The following PAQR5 variants were observed in gnomAD, a reference collection of about 807,000 sequenced individuals.
The protein encoded by PAQR5 is membrane progestin receptor gamma.
Under a neutral mutation model 34.5 loss-of-function variants are expected in PAQR5, and 20 were observed. That is an observed-to-expected ratio of 0.58 (90% CI 0.41 to 0.84). The LOEUF is 0.84. Among genes scored for constraint, PAQR5 ranks in the 40% least tolerant of loss-of-function variants. The probability of loss-of-function intolerance (pLI) is 0.00; values close to 1 mark genes in which losing one functional copy is unlikely to be tolerated. For missense variants in PAQR5, 378 were observed against 412.7 expected (o/e 0.92, Z 0.73); for synonymous variants, 131 against 155.6 (o/e 0.84, Z 1.18).
At chr15:69,323,521 G>T (rs1054198368) in intron 1 of PAQR5, among the ~76,000 whole-genome samples, 2 of 152,210 alleles carry the variant, frequency 1.3e-5, no homozygotes, top group African/African-American at 4.8e-5. Flanking sequence ...ACCTTCTCAG[G>T]TGAATGTACA....
chr15:69,335,557 T>G (rs1198268500), intron 1 of PAQR5, among the ~76,000 whole-genome samples: 6 of 136,920 alleles, frequency 4.4e-5, no homozygotes, highest in South Asian at 2.5e-4. Flanking sequence ...TTTTTTTTTT[T>G]TTTTTTTTTT....
At chr15:69,384,410 C>T (rs75612422) in intron 4 of PAQR5, among the ~76,000 whole-genome samples, 10 of 70,700 alleles carry the variant, frequency 1.4e-4, no homozygotes, top group East Asian at 8.8e-4. Context: ...GGAGGGTGAG[C>T]GGGCCCTCCG....
chr15:69,350,799 G>T (rs1027433446), intron 2 of PAQR5, among the ~76,000 whole-genome samples: 1 of 152,146 alleles, frequency 6.6e-6, no homozygotes, highest in Admixed American at 6.5e-5. Flanking sequence ...GGGAGGCTGG[G>T]TTCCCTCAGG....
intron 2 of PAQR5, among the ~76,000 whole-genome samples, chr15:69,359,211 A>G (rs539815377): frequency 1.3e-5 from 2 of 152,270 alleles, no homozygotes; most frequent in African/African-American, 4.8e-5. Context: ...GTCACCTCCC[A>G]AAAGCCCTGC....
chr15:69,307,818 G>A (rs1005270660), intron 1 of PAQR5, among the ~76,000 whole-genome samples: 1 of 152,210 alleles, frequency 6.6e-6, no homozygotes, highest in African/African-American at 2.4e-5. Context: ...GGTAGAGGGA[G>A]CAAGTCTGAA....
At chr15:69,367,269 C>G (rs1479426125) in intron 3 of PAQR5, among the ~76,000 whole-genome samples, 2 of 151,378 alleles carry the variant, frequency 1.3e-5, no homozygotes, top group Non-Finnish European at 2.9e-5. Flanking sequence ...TTACATTTCT[C>G]TTTTTTTTTC....
Position 69,395,425 on chromosome 15 carries a change from T to C in PAQR5, c.513-2043T>C, listed in dbSNP as rs372969988. 3.9e-5 allele frequency among the ~76,000 whole-genome samples: 6 copies of C among 152,196 alleles called. No individual in the cohort carries two copies. The East Asian group carries it at 5.8e-4, about 15-fold the overall frequency. On this transcript the variant is annotated intron_variant, in intron 6 of 8. Transcript: ENST00000395407. ...CCCAGAACCTATTTGTTCCCTCCTG[T>C]TCCTATTATCTGGACCAACATAGAT... is the stretch of plus-strand genomic sequence containing the variant.
intron 1 of PAQR5, 66 bp downstream of exon 1, chr15:69,299,122 C>T (rs539633242): frequency 6.6e-6 from 1 of 152,342 alleles, no homozygotes; most frequent in Non-Finnish European, 1.5e-5. Flanking sequence ...CGCACCCGCC[C>T]TCCGCGGCAG....
intron 5 of PAQR5, among the ~76,000 whole-genome samples, chr15:69,387,831 C>T (rs560442832): frequency 6.6e-6 from 1 of 152,198 alleles, no homozygotes. Flanking sequence ...CTCCCTCTTC[C>T]CTTCCCTGCA....
At chr15:69,348,635 G>A (rs749433336) in intron 2 of PAQR5, among the ~76,000 whole-genome samples, 3 of 152,146 alleles carry the variant, frequency 2.0e-5, no homozygotes, top group African/African-American at 4.8e-5. Context: ...GTTCCAAGAC[G>A]TTCCAAGTGA....
chr15:69,301,459 TG>T (rs1176793858), intron 1 of PAQR5, among the ~76,000 whole-genome samples: 1 of 152,204 alleles, frequency 6.6e-6, no homozygotes, highest in Non-Finnish European at 1.5e-5. Flanking sequence ...TGCATCCCTC[TG>T]GGGGTAAGAA....
rs1385788163 is a variant in PAQR5, at chr15:69,360,125, A to G, written c.45A>G (p.Ile15Met). ...KLPRLFSIDQ[I>M]PQVFHEQGIL... The stretch of plus-strand genomic sequence containing the variant: ...CCAGGCTGTTTAGCATAGACCAGAT[A>G]CCCCAGGTATGTGCTCTATTGATTA... Residue 15 changes from isoleucine to methionine, a missense_variant, in exon 3 of 9, where the codon ATA becomes ATG. Ile to Met is a conservative substitution (Grantham distance 10). Coordinates refer to ENST00000395407, the MANE Select transcript of PAQR5 (RefSeq NM_017705.4). 1.9e-6 allele frequency: 3 copies of G among 1,612,682 alleles called. No individual in the cohort carries two copies. The highest frequency in any genetic ancestry group is 1.7e-6 in the Non-Finnish European group (2 of 1,178,782).
rs549916866 is a variant in PAQR5, at chr15:69,346,543, T to C, written c.-116+9042T>C. ...TTAAACTTTTGGGCTCAAGTGATCC[T>C]CTCACCTTGGCCTTGCAAAGTGCCA... On this transcript the variant is annotated intron_variant, in intron 2 of 8. Transcript: ENST00000395407. Among the ~76,000 whole-genome samples, 3 of 151,636 alleles carry C rather than the reference T, an allele frequency of 2.0e-5. No individual in the cohort carries two copies. In the East Asian group the frequency reaches 5.8e-4, roughly 29 times the overall value.
intron 3 of PAQR5, among the ~76,000 whole-genome samples, chr15:69,366,355 T>C (rs1567023446): frequency 6.6e-6 from 1 of 152,236 alleles, no homozygotes; most frequent in Non-Finnish European, 1.5e-5. Context: ...CATTCATTAG[T>C]TGATGAACAG....
chr15:69,392,345 T>C (rs1312117267), intron 6 of PAQR5, among the ~76,000 whole-genome samples: 1 of 152,192 alleles, frequency 6.6e-6, no homozygotes, highest in Non-Finnish European at 1.5e-5. Flanking sequence ...GTCTTTTGGA[T>C]GTGGCATGCC....
intron 2 of PAQR5, 51 bp from the exon 3 acceptor site, chr15:69,359,915 G>C (rs1480038796): frequency 3.3e-6 from 2 of 611,668 alleles, no homozygotes; most frequent in Non-Finnish European, 5.9e-6. Flanking sequence ...TCCTGACCCA[G>C]CTGGAGTTAG....
chr15:69,339,809 A>G (rs2054598119), intron 2 of PAQR5, among the ~76,000 whole-genome samples: 1 of 149,714 alleles, frequency 6.7e-6, no homozygotes, highest in Non-Finnish European at 1.5e-5. Context: ...AGCATGTGTG[A>G]CTCTAGGTGG....
intron 3 of PAQR5, among the ~76,000 whole-genome samples, chr15:69,378,264 TAAAAAAAAAAAA>T (rs71149912): frequency 5.0e-5 from 3 of 59,692 alleles, no homozygotes; most frequent in East Asian, 6.2e-4. Context: ...GACTCCATCT[TAAAAAAAAAAAA>T]AAAAAAAAAA....
At chr15:69,329,057 G>A (rs1157911575) in intron 1 of PAQR5, among the ~76,000 whole-genome samples, 6 of 152,252 alleles carry the variant, frequency 3.9e-5, no homozygotes, top group Admixed American at 1.3e-4. Flanking sequence ...TGGGGATTCC[G>A]TCTGGACGCC....
Sources: allele counts gnomAD v4.1 joint callset (sites outside exome capture counted in the v4.1 genomes callset), GRCh38; gene constraint gnomAD v4.1.1; transcripts MANE v1.5; gene names NCBI Gene and HGNC (gene_info 2026-07-23, HGNC 2026-07-21).